The following TMEM132C variants were observed in gnomAD, a reference collection of about 807,000 sequenced individuals.
TMEM132C encodes the protein transmembrane protein 132C.
Under a neutral mutation model 61.4 loss-of-function variants are expected in TMEM132C, and 29 were observed. That is an observed-to-expected ratio of 0.47 (90% CI 0.35 to 0.64). The LOEUF is 0.64. Ranked by LOEUF, TMEM132C falls within the 30% of genes least tolerant of loss-of-function variation. TMEM132C has a pLI of 0.00. For missense variants in TMEM132C, 1,408 were observed against 1,476.9 expected (o/e 0.95, Z 0.76); for synonymous variants, 656 against 633.1 (o/e 1.04, Z -0.54).
chr12:128,325,817 T>G (rs1207601665), intron 1 of TMEM132C, among the ~76,000 whole-genome samples: 1 of 152,132 alleles, frequency 6.6e-6, no homozygotes, highest in Non-Finnish European at 1.5e-5. Flanking sequence ...AACCCGGCTG[T>G]CAGGCTGCCC....
At chr12:128,431,459 C>G (rs1333549348) in intron 2 of TMEM132C, among the ~76,000 whole-genome samples, 2 of 151,680 alleles carry the variant, frequency 1.3e-5, no homozygotes, top group Non-Finnish European at 2.9e-5. Flanking sequence ...TAGCTAAGAT[C>G]GTCGATGAGG....
At chr12:128,498,316 C>T (rs1364972812) in intron 2 of TMEM132C, among the ~76,000 whole-genome samples, 2 of 152,012 alleles carry the variant, frequency 1.3e-5, no homozygotes, top group African/African-American at 4.8e-5. Flanking sequence ...TAAAAGGCTT[C>T]CAGACTGGAA....
chr12:128,480,340 T>C (rs1079421), intron 2 of TMEM132C, among the ~76,000 whole-genome samples: 8,100 of 152,338 alleles, frequency 0.053, 315 homozygotes, highest in Non-Finnish European at 0.08. Flanking sequence ...TTATTCTGCA[T>C]GGACCTTCTT....
At chr12:128,685,624 C>T (rs1399992320) in intron 5 of TMEM132C, among the ~76,000 whole-genome samples, 2 of 152,182 alleles carry the variant, frequency 1.3e-5, no homozygotes, top group Admixed American at 1.3e-4. Flanking sequence ...TTCATATTTT[C>T]CTGGCCAAAG....
At chr12:128,543,066 C>T (rs1873817626) in intron 2 of TMEM132C, among the ~76,000 whole-genome samples, 1 of 152,066 alleles carries the variant, frequency 6.6e-6, no homozygotes, top group Non-Finnish European at 1.5e-5. Context: ...GAAATTGAGG[C>T]TGGCTAAGTG....
At chr12:128,650,898 G>A (rs180891860) in intron 4 of TMEM132C, among the ~76,000 whole-genome samples, 12 of 152,262 alleles carry the variant, frequency 7.9e-5, no homozygotes, top group African/African-American at 2.9e-4. Context: ...AACTGGAGTG[G>A]TGTGGGCTCC....
intron 5 of TMEM132C, among the ~76,000 whole-genome samples, chr12:128,676,942 C>T (rs1368917506): frequency 6.6e-6 from 1 of 152,172 alleles, no homozygotes; most frequent in East Asian, 1.9e-4. Context: ...TGGGAGAGAA[C>T]CCTGGATGTC....
intron 2 of TMEM132C, among the ~76,000 whole-genome samples, chr12:128,428,347 A>G (rs1239871450): frequency 1.3e-5 from 2 of 152,098 alleles, no homozygotes; most frequent in Non-Finnish European, 2.9e-5. Flanking sequence ...ATTCGCCCAC[A>G]TTGTTCTCCT....
intron 3 of TMEM132C, among the ~76,000 whole-genome samples, chr12:128,549,097 C>T (rs975925593): frequency 6.6e-6 from 1 of 152,160 alleles, no homozygotes; most frequent in Non-Finnish European, 1.5e-5. Context: ...AGGGGAAGCT[C>T]AGGCGGGAGA....
rs111941133 is a variant in TMEM132C at position 128,423,109 on chromosome 12, A to G, written c.974+7489A>G. Among the ~76,000 whole-genome samples the G allele has an allele frequency of 9.8e-3, 1,496 of 152,306 alleles. 22 individuals carry two copies. Among genetic ancestry groups the G allele is most frequent in the African/African-American group, 0.033 (1,363 of 41,566 alleles). On this transcript the variant is annotated intron_variant, in intron 2 of 8. Transcript: ENST00000435159. ...TTTTTGAAGTTAAACACTGTGAAAT[A>G]AGGAGGTAGTCCTCTCTCACGAATA...
intron 4 of TMEM132C, among the ~76,000 whole-genome samples, chr12:128,662,167 G>T (rs1340228885): frequency 6.6e-6 from 1 of 152,102 alleles, no homozygotes. Context: ...CTATGTGCTT[G>T]ACTTGTTTTT....
At chr12:128,370,880 C>T (rs1442471357) in intron 1 of TMEM132C, among the ~76,000 whole-genome samples, 1 of 152,124 alleles carries the variant, frequency 6.6e-6, no homozygotes, top group African/African-American at 2.4e-5. Flanking sequence ...ATAGCAGCTA[C>T]CCCTGAGGAG....
Position 128,582,977 on chromosome 12 carries a change from A to G in TMEM132C, c.1122-33175A>G, listed in dbSNP as rs76375056. 6.0e-3 allele frequency among the ~76,000 whole-genome samples: 911 copies of G among 152,278 alleles called. 12 individuals are homozygous for G. Among genetic ancestry groups the G allele is most frequent in the African/African-American group, 0.021 (869 of 41,560 alleles). The stretch of plus-strand genomic sequence containing the variant: ...TTTGGAAAGCAATTTGGAATTTTCC[A>G]TTCAATTCATAAATGTTTACACTTT... On this transcript the variant is annotated intron_variant, in intron 3 of 8. Transcript: ENST00000435159.
chr12:128,283,564 C>T (rs1186891157), intron 1 of TMEM132C, among the ~76,000 whole-genome samples: 2 of 152,094 alleles, frequency 1.3e-5, no homozygotes, highest in African/African-American at 4.8e-5. Context: ...CTGTCTCTCT[C>T]TACTAACCTA....
At chr12:128,465,640 C>T (rs1345368381) in intron 2 of TMEM132C, among the ~76,000 whole-genome samples, 1 of 152,210 alleles carries the variant, frequency 6.6e-6, no homozygotes, top group African/African-American at 2.4e-5. Flanking sequence ...CCTGGGATTT[C>T]CTGTCTCATC....
At chr12:128,398,314 G>A (rs1293120084) in intron 1 of TMEM132C, among the ~76,000 whole-genome samples, 2 of 152,236 alleles carry the variant, frequency 1.3e-5, no homozygotes, top group African/African-American at 4.8e-5. Flanking sequence ...GCCAGTGATA[G>A]TTCTGCAACC....
chr12:128,381,438 G>A (rs1005370644), intron 1 of TMEM132C, among the ~76,000 whole-genome samples: 1 of 152,164 alleles, frequency 6.6e-6, no homozygotes, highest in Non-Finnish European at 1.5e-5. Context: ...CCTGGGAGCC[G>A]GTCTTCAGGG....
At chr12:128,456,892 C>T (rs1485603670) in intron 2 of TMEM132C, among the ~76,000 whole-genome samples, 2 of 152,180 alleles carry the variant, frequency 1.3e-5, no homozygotes, top group African/African-American at 4.8e-5. Flanking sequence ...TCTTTAACTT[C>T]ATATAAGTGG....
At chr12:128,603,370 C>T (rs1294449605) in intron 3 of TMEM132C, among the ~76,000 whole-genome samples, 1 of 152,192 alleles carries the variant, frequency 6.6e-6, no homozygotes, top group Non-Finnish European at 1.5e-5. Flanking sequence ...TAACTTACCA[C>T]AGGGTCTAAC....
Sources: gnomAD v4.1 joint callset for allele counts (sites outside exome capture counted in the v4.1 genomes callset) on GRCh38, gnomAD v4.1.1 for gene constraint, MANE v1.5 for transcripts, NCBI Gene and HGNC (gene_info 2026-07-23, HGNC 2026-07-21) for gene names.